TLNRD1: variants seen among roughly 807,000 people sequenced by gnomAD.
The protein encoded by TLNRD1 is talin rod domain-containing protein 1.
TLNRD1 carries 14 observed loss-of-function variants against 19.5 expected under a neutral mutation model. The observed-to-expected ratio is 0.72, with a 90% CI of 0.47 to 1.12. TLNRD1 has a LOEUF of 1.12. Ranked by LOEUF, TLNRD1 falls within the 50% of genes most tolerant of loss-of-function variation. TLNRD1 has a pLI of 0.00. For missense variants in TLNRD1, 569 were observed against 531.9 expected, an observed-to-expected ratio of 1.07 and a Z score of -0.69; for synonymous variants, 345 against 261.7, an observed-to-expected ratio of 1.32 and a Z score of -3.07.
In TLNRD1 at chr15:81,001,735, G is replaced by A. The variant is rs1893412636; in HGVS notation, c.-537G>A. Reference sequence around the variant, plus strand: ...CACGTGCGCCGCCGAGCCCGAGGTGGCCTCGAGCGCGGCGGCTGACAGCAC... The same window carrying A: ...CACGTGCGCCGCCGAGCCCGAGGTGACCTCGAGCGCGGCGGCTGACAGCAC... On this transcript the variant is annotated 5_prime_UTR_variant, in exon 1 of 1. Coordinates refer to ENST00000267984, the MANE Select transcript of TLNRD1 (RefSeq NM_022566.3). 1 of 152,082 alleles carries A rather than the reference G, an allele frequency of 6.6e-6. No individual in the cohort carries two copies. The highest frequency in any genetic ancestry group is 2.1e-4 in the South Asian group (1 of 4,834). The allele number at this position is 152,082 out of a possible 1,614,324, so 9.4% of individuals were successfully genotyped here.
In TLNRD1 at chr15:81,002,353, C is replaced by A; in HGVS notation, c.82C>A (p.Gln28Lys). 1 of 1,418,202 alleles carries A rather than the reference C, an allele frequency of 7.1e-7. No individual in the cohort carries two copies. Among genetic ancestry groups the A allele is most frequent in the Non-Finnish European group, 9.3e-7 (1 of 1,080,832 alleles). The allele number at this position is 1,418,202 out of a possible 1,614,324, so 87.9% of individuals were successfully genotyped here. A position where few individuals can be genotyped will look rare whatever the true frequency, so the allele number is the denominator to read the frequency against. The stretch of plus-strand genomic sequence containing the variant: ...GAGCGCCATCGGCGGGGCCAGCTCG[C>A]AGCCGCGGAAGAGGCTGGTATCCGT... ...PASAIGGASS[Q>K]PRKRLVSVCD... The change falls in exon 1 of 1, where the codon CAG (glutamine) becomes AAG (lysine). Residue 28 changes from glutamine (Q) to lysine (K), a missense_variant. Transcript: ENST00000267984.
In TLNRD1 at chr15:81,002,496, C is replaced by G. The variant is rs1456320507; in HGVS notation, c.225C>G (p.Phe75Leu). 3 of 1,491,780 alleles carry G rather than the reference C, an allele frequency of 2.0e-6. No individual in the cohort carries two copies. The highest frequency in any genetic ancestry group is 1.3e-5 in the South Asian group (1 of 78,122). The allele number at this position is 1,491,780 out of a possible 1,614,324, so 92.4% of individuals were successfully genotyped here. Residue 75 changes from phenylalanine to leucine, a missense_variant, in exon 1 of 1, where the codon TTC becomes TTG. Transcript: ENST00000267984. Reference protein sequence around the residue: ...PASSGAGAESFEQCRDTIIAR... With the variant: ...PASSGAGAESLEQCRDTIIAR... ...CCTCTGGTGCCGGCGCCGAGTCCTT[C>G]GAGCAGTGCCGGGACACCATCATCG...
Position 81,002,505 on chromosome 15 carries a change from C to G in TLNRD1, c.234C>G (p.Cys78Trp), listed in dbSNP as rs1893428351. 2.0e-6 allele frequency: 3 copies of G among 1,487,578 alleles called. No individual in the cohort carries two copies. Among genetic ancestry groups the G allele is most frequent in the Non-Finnish European group, 2.7e-6 (3 of 1,122,454 alleles). The allele number at this position is 1,487,578 out of a possible 1,614,324, so 92.1% of individuals were successfully genotyped here. A position where few individuals can be genotyped will look rare whatever the true frequency, so the allele number is the denominator to read the frequency against. The stretch of plus-strand genomic sequence containing the variant: ...CCGGCGCCGAGTCCTTCGAGCAGTG[C>G]CGGGACACCATCATCGCGCGCACCA... ...SGAGAESFEQ[C>W]RDTIIARTKG... The change falls in exon 1 of 1, where the codon TGC (cysteine) becomes TGG (tryptophan). Residue 78 changes from cysteine (C) to tryptophan (W), a missense_variant. Transcript: ENST00000267984.
In TLNRD1 at chr15:81,005,554, T is replaced by C. The variant is rs946182231; in HGVS notation, c.*2194T>C. The C allele has an allele frequency of 6.0e-6, 1 of 167,002 alleles. No homozygotes were observed. Among genetic ancestry groups the C allele is most frequent in the African/African-American group, 2.4e-5 (1 of 41,444 alleles). The allele number at this position is 167,002 out of a possible 1,614,324, so 10.3% of individuals were successfully genotyped here. A position where few individuals can be genotyped will look rare whatever the true frequency, so the allele number is the denominator to read the frequency against. ...GATTAAGAAAAAAAGAATTGCCAGT[T>C]TTTTCCTGGACTCTTTCCTTGCAGA... On this transcript the variant is annotated 3_prime_UTR_variant, in exon 1 of 1. Transcript: ENST00000267984.
Position 81,002,117 on chromosome 15 carries a change from C to A in TLNRD1, c.-155C>A. Reference sequence around the variant, plus strand: ...GGGCTCCCGCCGCCGCAGCCCAGTGCCCTCTGCCCGCGGCGGTGGATGGCA... The same window carrying A: ...GGGCTCCCGCCGCCGCAGCCCAGTGACCTCTGCCCGCGGCGGTGGATGGCA... On this transcript the variant is annotated 5_prime_UTR_variant, in exon 1 of 1. It introduces an in-frame stop codon into an upstream open reading frame of the 5' UTR. Transcript: ENST00000267984. 1.2e-6 allele frequency: 1 copy of A among 867,462 alleles called. No homozygotes were observed. Among genetic ancestry groups the A allele is most frequent in the Non-Finnish European group, 1.5e-6 (1 of 669,872 alleles). 53.7% of individuals were successfully genotyped at this position (867,462 alleles called of 1,614,324 possible). A position where few individuals can be genotyped will look rare whatever the true frequency, so the allele number is the denominator to read the frequency against.
chr15:81,003,203 A>G lies in TLNRD1; in HGVS notation c.932A>G (p.Gln311Arg). The G allele has an allele frequency of 1.3e-6, 2 of 1,595,696 alleles. No homozygotes were observed. The highest frequency in any genetic ancestry group is 1.7e-6 in the Non-Finnish European group (2 of 1,171,626). ...ACCCAGTGCCTCAGGGATCTGGCGC[A>G]GCACCCCGACGGGGGCGCCAAGATG... Reference protein sequence around the residue: ...LLTQCLRDLAQHPDGGAKMSD... With the variant: ...LLTQCLRDLARHPDGGAKMSD... Residue 311 changes from glutamine (Q) to arginine (R), a missense_variant, in exon 1 of 1, where the codon CAG becomes CGG. By Grantham distance (43) the Gln-to-Arg change is conservative. Transcript: ENST00000267984.
In TLNRD1 at chr15:81,005,336, T is replaced by G. The variant is rs374705395; in HGVS notation, c.*1976T>G. The G allele has an allele frequency of 6.0e-6, 1 of 166,956 alleles. No individual in the cohort carries two copies. The highest frequency in any genetic ancestry group is 2.4e-5 in the African/African-American group (1 of 41,392). 10.3% of individuals were successfully genotyped at this position (166,956 alleles called of 1,614,324 possible). A position where few individuals can be genotyped will look rare whatever the true frequency, so the allele number is the denominator to read the frequency against. On this transcript the variant is annotated 3_prime_UTR_variant, in exon 1 of 1. Transcript: ENST00000267984. The stretch of plus-strand genomic sequence containing the variant: ...GATGGGGTTCAGGATGAAAGGGAGG[T>G]GGGATTCTAATTCATGTGCCAGTGA...
At position 81,002,556 on chromosome 15, in the gene TLNRD1, C is replaced by T. The variant is rs772565870; in HGVS notation, c.285C>T (p.Asp95=). ...RTKGLSILTH[D]VQSQLNMGRF... ...AGGGGCTCTCCATCCTCACCCACGA[C>T]GTGCAGAGCCAGCTCAACATGGGCC... Residue 95 remains aspartate, a synonymous_variant, in exon 1 of 1, where the codon GAC becomes GAT. Transcript: ENST00000267984. 7 of 1,458,160 alleles carry T rather than the reference C, an allele frequency of 4.8e-6. No individual in the cohort carries two copies. Among genetic ancestry groups the T allele is most frequent in the African/African-American group, 1.5e-5 (1 of 67,846 alleles). The allele number at this position is 1,458,160 out of a possible 1,614,324, so 90.3% of individuals were successfully genotyped here.
Position 81,001,703 on chromosome 15 carries a change from T to A in TLNRD1, c.-569T>A, listed in dbSNP as rs1446662210. On this transcript the variant is annotated 5_prime_UTR_variant, in exon 1 of 1. It removes the in-frame stop codon of an upstream open reading frame in the 5' UTR. Transcript: ENST00000267984. Reference sequence around the variant, plus strand: ...TGCCGCCTGGTGGGGTCACGGCGCCTGAAGCCCACGTGCGCCGCCGAGCCC... The same window carrying A: ...TGCCGCCTGGTGGGGTCACGGCGCCAGAAGCCCACGTGCGCCGCCGAGCCC... 6.6e-6 allele frequency: 1 copy of A among 151,800 alleles called. No homozygotes were observed. The highest frequency in any genetic ancestry group is 1.5e-5 in the Non-Finnish European group (1 of 67,912). 9.4% of individuals were successfully genotyped at this position (151,800 alleles called of 1,614,324 possible). A position where few individuals can be genotyped will look rare whatever the true frequency, so the allele number is the denominator to read the frequency against.
In TLNRD1 at chr15:81,002,671, G is replaced by T. The variant is rs1893432107; in HGVS notation, c.400G>T (p.Ala134Ser). The change falls in exon 1 of 1, where the codon GCT becomes TCT. Residue 134 changes from alanine to serine, a missense_variant. By Grantham distance (99) the Ala-to-Ser change is moderately conservative. Transcript: ENST00000267984. ...CTCGGCCCACGCGGCCTATCTGGCC[G>T]CTGTGGCCACGCCGGGCGCCCAGCC... ...ECSAHAAYLAAVATPGAQPAQ... is the reference protein window; with the variant it reads ...ECSAHAAYLASVATPGAQPAQ... 6.8e-7 allele frequency: 1 copy of T among 1,462,362 alleles called. No homozygotes were observed. Among genetic ancestry groups the T allele is most frequent in the Non-Finnish European group, 8.9e-7 (1 of 1,121,096 alleles). 90.6% of individuals were successfully genotyped at this position (1,462,362 alleles called of 1,614,324 possible).
In TLNRD1 at chr15:81,002,900, C is replaced by T. The variant is rs769785232; in HGVS notation, c.629C>T (p.Ser210Leu). 2 of 1,597,368 alleles carry T rather than the reference C, an allele frequency of 1.3e-6. No homozygotes were observed. Among genetic ancestry groups the T allele is most frequent in the Non-Finnish European group, 1.7e-6 (2 of 1,178,860 alleles). ...AGTGACAAGTCACGGGACCGCTTTTCGCGGGAGCAGTTCAAGCTGGGCGTC... is the reference window on the plus strand; with the variant it reads ...AGTGACAAGTCACGGGACCGCTTTTTGCGGGAGCAGTTCAAGCTGGGCGTC... ...LASDKSRDRFSREQFKLGVKC... is the reference protein window; with the variant it reads ...LASDKSRDRFLREQFKLGVKC... The change falls in exon 1 of 1, where the codon TCG becomes TTG. Residue 210 changes from serine to leucine, a missense_variant. Ser to Leu is a moderately radical substitution (Grantham distance 145). Coordinates refer to ENST00000267984, the MANE Select transcript of TLNRD1 (RefSeq NM_022566.3).
rs1222388549 is a variant in TLNRD1 at position 81,001,050 on chromosome 15, C to T, written c.-1222C>T. ...CTGCGGGCGGCGGCGCAGCCACGGC[C>T]GCGCTCCGAGGTGAAGCCGCGCGCG... On this transcript the variant is annotated 5_prime_UTR_variant, in exon 1 of 1. Coordinates refer to ENST00000267984, the MANE Select transcript of TLNRD1 (RefSeq NM_022566.3). The T allele has an allele frequency of 6.5e-6, 1 of 152,998 alleles. No individual in the cohort carries two copies. Among genetic ancestry groups the T allele is most frequent in the South Asian group, 1.9e-4 (1 of 5,208 alleles). The allele number at this position is 152,998 out of a possible 1,614,324, so 9.5% of individuals were successfully genotyped here. A position where few individuals can be genotyped will look rare whatever the true frequency, so the allele number is the denominator to read the frequency against.
At position 81,002,052 on chromosome 15, in the gene TLNRD1, T is replaced by C. The variant is rs1263292356; in HGVS notation, c.-220T>C. On this transcript the variant is annotated 5_prime_UTR_variant, in exon 1 of 1. Transcript: ENST00000267984. ...GCCCCTCCCCTTGCCCCGAAGAGCC[T>C]TCCGCGTTCTCTCGCCCTCGGGCCC... 1 of 350,728 alleles carries C rather than the reference T, an allele frequency of 2.9e-6. No individual in the cohort carries two copies. Among genetic ancestry groups the C allele is most frequent in the Non-Finnish European group, 4.8e-6 (1 of 206,526 alleles). 21.7% of individuals were successfully genotyped at this position (350,728 alleles called of 1,614,324 possible).
Position 81,002,734 on chromosome 15 carries a change from C to T in TLNRD1, c.463C>T (p.Arg155Ter). The change falls in exon 1 of 1, where the codon CGA becomes TGA. Residue 155 changes from arginine to a stop codon, truncating the protein, a stop_gained. Transcript: ENST00000267984. LOFTEE classifies it high-confidence loss of function. ...PGLVDRYRVTRCRHEVEQGCA... is the reference protein window; with the variant it reads ...PGLVDRYRVT ...CCTGGTGGACCGCTACCGCGTGACG[C>T]GATGCCGCCACGAGGTGGAGCAGGG... 6.5e-7 allele frequency: 1 copy of T among 1,534,524 alleles called. No homozygotes were observed. Among genetic ancestry groups the T allele is most frequent in the Non-Finnish European group, 8.7e-7 (1 of 1,146,212 alleles).
In TLNRD1 at chr15:81,001,142, C is replaced by G. The variant is rs1046771944; in HGVS notation, c.-1130C>G. Reference sequence around the variant, plus strand: ...CCCTTCCTTTCAGTTTCTGCCCGCTCGCTCGGAAGTTGGCGGTTGACAAAA... The same window carrying G: ...CCCTTCCTTTCAGTTTCTGCCCGCTGGCTCGGAAGTTGGCGGTTGACAAAA... On this transcript the variant is annotated 5_prime_UTR_variant, in exon 1 of 1. Transcript: ENST00000267984. The G allele has an allele frequency of 9.8e-5, 15 of 152,456 alleles. No individual in the cohort carries two copies. Among genetic ancestry groups the G allele is most frequent in the African/African-American group, 3.6e-4 (15 of 41,434 alleles). The allele number at this position is 152,456 out of a possible 1,614,324, so 9.4% of individuals were successfully genotyped here.
In TLNRD1 at chr15:81,001,117, CCCTT is replaced by C. The variant is rs1893400619; in HGVS notation, c.-1150_-1147del. ...TTTCCCCTCTGCCTTTCGGCCCCCG[CCCTT>C]CCTTTCAGTTTCTGCCCGCTCGCTC... On this transcript the variant is annotated 5_prime_UTR_variant, in exon 1 of 1. Transcript: ENST00000267984. The C allele has an allele frequency of 1.3e-5, 2 of 152,292 alleles. No individual in the cohort carries two copies. Among genetic ancestry groups the C allele is most frequent in the African/African-American group, 4.8e-5 (2 of 41,432 alleles). The allele number at this position is 152,292 out of a possible 1,614,324, so 9.4% of individuals were successfully genotyped here. A position where few individuals can be genotyped will look rare whatever the true frequency, so the allele number is the denominator to read the frequency against.
Position 81,003,390 on chromosome 15 carries a change from C to A in TLNRD1, c.*30C>A, listed in dbSNP as rs749793881. On this transcript the variant is annotated 3_prime_UTR_variant, in exon 1 of 1. Transcript: ENST00000267984. ...CCACCCCCATACCCCTTCTTCCACC[C>A]CCAGACTAAAGGAAGATACTTACTC... 3 of 1,552,896 alleles carry A rather than the reference C, an allele frequency of 1.9e-6. No individual in the cohort carries two copies. Among genetic ancestry groups the A allele is most frequent in the East Asian group, 2.3e-5 (1 of 43,878 alleles).
Position 81,003,831 on chromosome 15 carries a change from G to T in TLNRD1, c.*471G>T. On this transcript the variant is annotated 3_prime_UTR_variant, in exon 1 of 1. Coordinates refer to ENST00000267984, the MANE Select transcript of TLNRD1 (RefSeq NM_022566.3). ...ATCGTGTTGAATTAGGAGTATACTT[G>T]GTGTGGAAAGAGTATGAATTTGCCA... The T allele has an allele frequency of 6.0e-6, 1 of 166,764 alleles. No individual in the cohort carries two copies. The allele number at this position is 166,764 out of a possible 1,614,324, so 10.3% of individuals were successfully genotyped here. A position where few individuals can be genotyped will look rare whatever the true frequency, so the allele number is the denominator to read the frequency against.
chr15:81,004,589 C>G lies in TLNRD1; in HGVS notation c.*1229C>G, dbSNP rs1481543408. ...CTGCTTAATAGAGGAAAGAAGTATC[C>G]TGGAAAGCTTGTTAAGAACGTTCTA... On this transcript the variant is annotated 3_prime_UTR_variant, in exon 1 of 1. Transcript: ENST00000267984. 4 of 167,044 alleles carry G rather than the reference C, an allele frequency of 2.4e-5. No homozygotes were observed. In the Admixed American group the frequency reaches 2.6e-4, roughly 11 times the overall value. The allele number at this position is 167,044 out of a possible 1,614,324, so 10.3% of individuals were successfully genotyped here.
Sources: gnomAD v4.1 joint callset for allele counts on GRCh38, gnomAD v4.1.1 for gene constraint, MANE v1.5 for transcripts, NCBI Gene and HGNC (gene_info 2026-07-23, HGNC 2026-07-21) for gene names.